Variants in ATF6 observed in about 807,000 individuals in gnomAD.
ATF6 encodes activating transcription factor 6, also known as cyclic AMP-dependent transcription factor ATF-6 alpha.
ATF6 carries 53 observed loss-of-function variants against 83.6 expected under a neutral mutation model. The observed-to-expected ratio is 0.63, with a 90% CI of 0.51 to 0.80. ATF6 has a LOEUF of 0.80. Among genes scored for constraint, ATF6 ranks in the 30% least tolerant of loss-of-function variants. The pLI, the probability that ATF6 is intolerant of heterozygous loss-of-function variation, is 0.00. For synonymous variants in ATF6, 288 were observed against 285.8 expected (o/e 1.01, Z -0.08); for missense variants, 744 against 797.9 (o/e 0.93, Z 0.81).
At chr1:161,912,584 A>G (rs1193645083) in intron 15 of ATF6, among the ~76,000 whole-genome samples, 1 of 152,198 alleles carries the variant, frequency 6.6e-6, no homozygotes, top group East Asian at 1.9e-4. Context: ...AAGAAAAAGT[A>G]GCTTTCTTTT....
chr1:161,935,203 C>A (rs868528866), intron 15 of ATF6, among the ~76,000 whole-genome samples: 2 of 152,140 alleles, frequency 1.3e-5, no homozygotes, highest in East Asian at 3.8e-4. Flanking sequence ...GAGATAGACT[C>A]GTATGTAATC....
chr1:161,957,648 G>A (rs1688994516), intron 15 of ATF6, among the ~76,000 whole-genome samples: 1 of 152,082 alleles, frequency 6.6e-6, no homozygotes, highest in African/African-American at 2.4e-5. Flanking sequence ...ATAATGAGTT[G>A]CCCCATATGT....
intron 5 of ATF6, among the ~76,000 whole-genome samples, chr1:161,791,855 G>A (rs778865717): frequency 6.6e-6 from 1 of 152,150 alleles, no homozygotes; most frequent in Non-Finnish European, 1.5e-5. Context: ...TAATCTCTGG[G>A]TGTTATCCCG....
chr1:161,907,041 T>C (rs1687889630), intron 14 of ATF6, among the ~76,000 whole-genome samples: 1 of 152,238 alleles, frequency 6.6e-6, no homozygotes, highest in South Asian at 2.1e-4. Context: ...GTCTGTATAT[T>C]TTTATGATTT....
intron 9 of ATF6, among the ~76,000 whole-genome samples, chr1:161,832,259 A>C (rs16851622): frequency 0.14 from 21,552 of 152,176 alleles, 2,093 homozygotes; most frequent in East Asian, 0.31. Context: ...AAAAACAATG[A>C]CCAGGTTAAG....
chr1:161,912,896 T>C (rs1688019524), intron 15 of ATF6, among the ~76,000 whole-genome samples: 2 of 152,000 alleles, frequency 1.3e-5, no homozygotes, highest in Admixed American at 1.3e-4. Flanking sequence ...AATAATAATA[T>C]AATGCACAGA....
intron 7 of ATF6, among the ~76,000 whole-genome samples, chr1:161,819,408 T>C (rs1685695625): frequency 6.6e-6 from 1 of 152,154 alleles, no homozygotes; most frequent in South Asian, 2.1e-4. Context: ...TTAGAAAACA[T>C]AAGAAGAAAT....
chr1:161,866,269 A>G (rs1422160036), intron 14 of ATF6, among the ~76,000 whole-genome samples: 1 of 152,224 alleles, frequency 6.6e-6, no homozygotes, highest in Non-Finnish European at 1.5e-5. Flanking sequence ...AGAAGTAGCC[A>G]TTGACTGTTT....
intron 8 of ATF6, 80 bp downstream of exon 8, chr1:161,819,898 A>G: frequency 8.0e-7 from 1 of 1,246,820 alleles, no homozygotes; most frequent in Non-Finnish European, 1.1e-6. Context: ...TTTACATTTT[A>G]AATTAAATTA....
chr1:161,940,152 C>T (rs540536113), intron 15 of ATF6, among the ~76,000 whole-genome samples: 2 of 152,312 alleles, frequency 1.3e-5, no homozygotes, highest in East Asian at 3.9e-4. Context: ...AGTCTTGATT[C>T]CTTGCCTTCT....
chr1:161,884,700 C>T (rs957708282), intron 14 of ATF6, among the ~76,000 whole-genome samples: 7 of 151,968 alleles, frequency 4.6e-5, no homozygotes, highest in Non-Finnish European at 1.0e-4. Context: ...TTTCCAGAGC[C>T]CACATTCTAG....
intron 14 of ATF6, among the ~76,000 whole-genome samples, chr1:161,880,133 T>C (rs1004109457): frequency 6.6e-6 from 1 of 152,136 alleles, no homozygotes; most frequent in Non-Finnish European, 1.5e-5. Flanking sequence ...TTGAATCTAA[T>C]TTTCTGTTAT....
chr1:161,899,676 T>C (rs943236269), intron 14 of ATF6, among the ~76,000 whole-genome samples: 1 of 152,162 alleles, frequency 6.6e-6, no homozygotes, highest in Non-Finnish European at 1.5e-5. Flanking sequence ...ATAAAGTAAG[T>C]GTAGTCAACT....
At chr1:161,940,077 C>T (rs1688614520) in intron 15 of ATF6, among the ~76,000 whole-genome samples, 1 of 152,180 alleles carries the variant, frequency 6.6e-6, no homozygotes. Context: ...TTGAACTCTT[C>T]ACTTTTCTCC....
chr1:161,905,109 T>G (rs148753382), intron 14 of ATF6, among the ~76,000 whole-genome samples: 2 of 151,758 alleles, frequency 1.3e-5, no homozygotes, highest in South Asian at 4.2e-4. Flanking sequence ...GCAAGGAGAG[T>G]TAACTTTAGA....
At chr1:161,939,828 G>A (rs1571251043) in intron 15 of ATF6, among the ~76,000 whole-genome samples, 1 of 152,180 alleles carries the variant, frequency 6.6e-6, no homozygotes, top group Non-Finnish European at 1.5e-5. Context: ...TTGCTGAAGA[G>A]AATTTAGGAA....
chr1:161,778,406 C>T (rs1684569180), intron 2 of ATF6, 86 bp downstream of exon 2: 1 of 1,054,446 alleles, frequency 9.5e-7, no homozygotes, highest in Non-Finnish European at 1.4e-6. Flanking sequence ...CAGGTTCAGG[C>T]TAGTAATTTA....
chr1:161,929,554 T>C (rs1688391524), intron 15 of ATF6, among the ~76,000 whole-genome samples: 1 of 152,230 alleles, frequency 6.6e-6, no homozygotes, highest in Non-Finnish European at 1.5e-5. Flanking sequence ...TTTATACACT[T>C]AACTAGTAGG....
At chr1:161,887,775 C>T (rs1364244305) in intron 14 of ATF6, among the ~76,000 whole-genome samples, 1 of 152,170 alleles carries the variant, frequency 6.6e-6, no homozygotes, top group African/African-American at 2.4e-5. Flanking sequence ...ATAAATCAAT[C>T]CATAAATCTC....
Sources: gnomAD v4.1 joint callset for allele counts (sites outside exome capture counted in the v4.1 genomes callset) on GRCh38, gnomAD v4.1.1 for gene constraint, MANE v1.5 for transcripts, NCBI Gene and HGNC (gene_info 2026-07-23, HGNC 2026-07-21) for gene names.